Variants in SLC24A3 observed in about 807,000 individuals in gnomAD.
SLC24A3 encodes solute carrier family 24 member 3.
SLC24A3 carries 28 observed loss-of-function variants against 75.8 expected under a neutral mutation model. The ratio of observed to expected loss-of-function variants is 0.37; its 90% CI spans 0.27 to 0.51. The LOEUF (loss-of-function observed/expected upper bound fraction) is 0.51, where lower values mean the gene tolerates loss of function less well. SLC24A3 is among the 20% of genes least tolerant of loss of function. SLC24A3 has a pLI of 0.94. For missense variants in SLC24A3, 663 were observed against 847.8 expected, an observed-to-expected ratio of 0.78 and a Z score of 2.71; for synonymous variants, 372 against 334.1, an observed-to-expected ratio of 1.11 and a Z score of -1.24.
intron 6 of SLC24A3, among the ~76,000 whole-genome samples, chr20:19,606,406 TTATTTTG>T (rs1284170519): frequency 6.6e-6 from 1 of 152,242 alleles, no homozygotes; most frequent in Non-Finnish European, 1.5e-5. Flanking sequence ...ATTTTATTTT[TTATTTTG>T]TAGCTCAGGG....
intron 15 of SLC24A3, among the ~76,000 whole-genome samples, chr20:19,701,628 C>T (rs1162003429): frequency 1.3e-5 from 2 of 152,226 alleles, no homozygotes; most frequent in Non-Finnish European, 2.9e-5. Flanking sequence ...CTCAGCCCAA[C>T]TCAGAGTGCT....
rs1285759817 is a variant in SLC24A3, at chr20:19,681,948, T to C, written c.858T>C (p.Asp286=). 1 of 1,614,206 alleles carries C rather than the reference T, an allele frequency of 6.2e-7. No individual in the cohort carries two copies. Residue 286 remains aspartate (D), a synonymous_variant, in exon 10 of 17, where the codon GAT becomes GAC. Coordinates refer to ENST00000328041, the MANE Select transcript of SLC24A3 (RefSeq NM_020689.4). ...VNGLANNAEI[D]DSSNCDATVV... ...GATTGGCCAACAATGCTGAAATTGA[T>C]GACAGCAGCAACTGCGACGCAACTG...
At chr20:19,412,947 A>G (rs1986771600) in intron 2 of SLC24A3, among the ~76,000 whole-genome samples, 1 of 152,168 alleles carries the variant, frequency 6.6e-6, no homozygotes, top group Admixed American at 6.5e-5. Context: ...AAGATAGTTC[A>G]AAGTGGGAAG....
At chr20:19,240,894 G>A (rs558930850) in intron 1 of SLC24A3, among the ~76,000 whole-genome samples, 1 of 152,254 alleles carries the variant, frequency 6.6e-6, no homozygotes, top group Non-Finnish European at 1.5e-5. Flanking sequence ...TCTGGACATG[G>A]GGGAAGCTGA....
chr20:19,470,085 T>G (rs11700233), intron 2 of SLC24A3, among the ~76,000 whole-genome samples: 174 of 152,072 alleles, frequency 1.1e-3, no homozygotes, highest in Non-Finnish European at 1.6e-3. Context: ...GAAGATGCCC[T>G]GCCACCTGTG....
intron 1 of SLC24A3, among the ~76,000 whole-genome samples, chr20:19,231,559 G>T (rs186586682): frequency 6.6e-6 from 1 of 152,178 alleles, no homozygotes; most frequent in Non-Finnish European, 1.5e-5. Context: ...GCCAAGGAAT[G>T]GGGGGTGCCT....
At chr20:19,588,647 C>T (rs1389965232) in intron 6 of SLC24A3, among the ~76,000 whole-genome samples, 2 of 152,152 alleles carry the variant, frequency 1.3e-5, no homozygotes, top group African/African-American at 4.8e-5. Flanking sequence ...GGCTGTGGTC[C>T]TACAAGTTTC....
chr20:19,647,719 T>C (rs2032156138), intron 6 of SLC24A3, among the ~76,000 whole-genome samples: 1 of 152,222 alleles, frequency 6.6e-6, no homozygotes, highest in Non-Finnish European at 1.5e-5. Flanking sequence ...CATGTCTGAG[T>C]CCTGAGGCAT....
chr20:19,380,172 G>A (rs1043295111), intron 2 of SLC24A3, among the ~76,000 whole-genome samples: 1 of 152,202 alleles, frequency 6.6e-6, no homozygotes, highest in Non-Finnish European at 1.5e-5. Context: ...GTCAGGAGAG[G>A]TTTTGCAGAG....
At chr20:19,361,063 G>A (rs1267571292) in intron 2 of SLC24A3, among the ~76,000 whole-genome samples, 3 of 152,158 alleles carry the variant, frequency 2.0e-5, no homozygotes, top group Non-Finnish European at 4.4e-5. Flanking sequence ...TCCTGACCTC[G>A]TGATCCACCT....
chr20:19,512,968 C>A (rs1422824058), intron 2 of SLC24A3, among the ~76,000 whole-genome samples: 5 of 152,208 alleles, frequency 3.3e-5, no homozygotes, highest in African/African-American at 1.2e-4. Flanking sequence ...TGGGTGATGG[C>A]TGTTGTGATT....
At chr20:19,301,135 G>C (rs192544841) in intron 2 of SLC24A3, among the ~76,000 whole-genome samples, 1 of 152,172 alleles carries the variant, frequency 6.6e-6, no homozygotes, top group Non-Finnish European at 1.5e-5. Context: ...CCCAATCACA[G>C]GCCTTTCCTC....
chr20:19,512,372 C>T (rs1424661485), intron 2 of SLC24A3, among the ~76,000 whole-genome samples: 1 of 152,232 alleles, frequency 6.6e-6, no homozygotes, highest in Non-Finnish European at 1.5e-5. Context: ...TGTCCCGAGC[C>T]AGCATGGGGC....
At chr20:19,345,514 G>A (rs2328405) in intron 2 of SLC24A3, among the ~76,000 whole-genome samples, 14,156 of 152,034 alleles carry the variant, frequency 0.093, 1,709 homozygotes, top group African/African-American at 0.28. Context: ...GTAAAGCTAC[G>A]GTAATCAAGA....
rs6112466 is a variant in SLC24A3, at chr20:19,574,059, G to T, written c.349-5941G>T. 4.6e-5 allele frequency among the ~76,000 whole-genome samples: 7 copies of T among 152,118 alleles called. 1 individual carries two copies. Among genetic ancestry groups the T allele is most frequent in the African/African-American group, 1.4e-4 (6 of 41,420 alleles). ...TCTTAGACCCTTCCCACCAAGCAGCGCATCTGGCTTTGAGTTGGTGCTGCA... is the reference window on the plus strand; with the variant it reads ...TCTTAGACCCTTCCCACCAAGCAGCTCATCTGGCTTTGAGTTGGTGCTGCA... On this transcript the variant is annotated intron_variant, in intron 3 of 16. Transcript: ENST00000328041.
chr20:19,263,085 C>T (rs1296844263), intron 1 of SLC24A3, among the ~76,000 whole-genome samples: 1 of 148,120 alleles, frequency 6.8e-6, no homozygotes. Flanking sequence ...TCTGTTGACC[C>T]CCCCACGTTT....
intron 6 of SLC24A3, among the ~76,000 whole-genome samples, chr20:19,608,767 A>C (rs1458440136): frequency 2.6e-5 from 4 of 152,202 alleles, no homozygotes; most frequent in Admixed American, 2.6e-4. Context: ...AGGAAAGCAA[A>C]CTTGTCAAAA....
chr20:19,361,370 C>A (rs1021516130), intron 2 of SLC24A3, among the ~76,000 whole-genome samples: 4 of 152,076 alleles, frequency 2.6e-5, no homozygotes, highest in Admixed American at 2.6e-4. Context: ...CAGATAGTTG[C>A]AGATAAAATG....
At chr20:19,438,730 T>G (rs959665877) in intron 2 of SLC24A3, among the ~76,000 whole-genome samples, 2 of 151,934 alleles carry the variant, frequency 1.3e-5, no homozygotes, top group Non-Finnish European at 2.9e-5. Flanking sequence ...CTCATTGGCC[T>G]CTGCACCTGG....
Sources: gnomAD v4.1 joint callset for allele counts (sites outside exome capture counted in the v4.1 genomes callset) on GRCh38, gnomAD v4.1.1 for gene constraint, MANE v1.5 for transcripts, NCBI Gene and HGNC (gene_info 2026-07-23, HGNC 2026-07-21) for gene names.